Variants in GRID2 observed in about 807,000 individuals in gnomAD.
GRID2 encodes the protein glutamate receptor ionotropic, delta-2.
In GRID2, 33 loss-of-function variants were observed where a neutral mutation model predicts 114.8. The observed-to-expected ratio is 0.29, with a 90% CI of 0.22 to 0.38. The LOEUF (loss-of-function observed/expected upper bound fraction) is 0.38. Ranked by LOEUF, GRID2 falls within the 10% of genes least tolerant of loss-of-function variation. The pLI, the probability that GRID2 is intolerant of heterozygous loss-of-function variation, is 1.00. For missense variants in GRID2, 1,184 were observed against 1,257.7 expected, an observed-to-expected ratio of 0.94 and a Z score of 0.89; for synonymous variants, 505 against 449.9, an observed-to-expected ratio of 1.12 and a Z score of -1.55.
At chr4:92,946,563 G>T (rs568774151) in intron 2 of GRID2, among the ~76,000 whole-genome samples, 2 of 151,896 alleles carry the variant, frequency 1.3e-5, no homozygotes, top group Non-Finnish European at 2.9e-5. Flanking sequence ...AAAATTCCAA[G>T]GCTTTGTTTG....
At chr4:93,040,522 G>A (rs956109547) in intron 2 of GRID2, among the ~76,000 whole-genome samples, 1 of 152,066 alleles carries the variant, frequency 6.6e-6, no homozygotes, top group Non-Finnish European at 1.5e-5. Context: ...ATAATGTAAA[G>A]GGTATGTGGT....
chr4:92,782,532 A>T (rs999644011), intron 2 of GRID2, among the ~76,000 whole-genome samples: 1 of 152,108 alleles, frequency 6.6e-6, no homozygotes. Flanking sequence ...TATTCATGCT[A>T]TGTATGTTAG....
At chr4:92,801,657 A>G (rs945401640) in intron 2 of GRID2, among the ~76,000 whole-genome samples, 10 of 151,904 alleles carry the variant, frequency 6.6e-5, no homozygotes, top group African/African-American at 2.4e-4. Context: ...ATATTTTTGT[A>G]ATATAAGCAT....
At chr4:93,564,442 A>G (rs1003874543) in intron 13 of GRID2, among the ~76,000 whole-genome samples, 5 of 152,036 alleles carry the variant, frequency 3.3e-5, no homozygotes, top group Non-Finnish European at 7.4e-5. Context: ...GGTCGCACTG[A>G]GTGCACTTTC....
chr4:93,768,831 C>A (rs1222667428), intron 14 of GRID2, among the ~76,000 whole-genome samples: 2 of 152,092 alleles, frequency 1.3e-5, no homozygotes, highest in Non-Finnish European at 2.9e-5. Flanking sequence ...GGACACAGAA[C>A]TACAACAACT....
intron 1 of GRID2, among the ~76,000 whole-genome samples, chr4:92,576,207 C>A (rs1280962836): frequency 6.6e-6 from 1 of 152,214 alleles, no homozygotes; most frequent in Non-Finnish European, 1.5e-5. Flanking sequence ...AGGAATGGAC[C>A]AGGGTCCTGC....
At chr4:92,378,971 A>G (rs1246137066) in intron 1 of GRID2, among the ~76,000 whole-genome samples, 1 of 151,896 alleles carries the variant, frequency 6.6e-6, no homozygotes, top group Non-Finnish European at 1.5e-5. Flanking sequence ...TTATTTACAC[A>G]TAATTTAATA....
At chr4:93,113,227 AC>A in intron 4 of GRID2, among the ~76,000 whole-genome samples, 1 of 152,204 alleles carries the variant, frequency 6.6e-6, no homozygotes, top group South Asian at 2.1e-4. Flanking sequence ...CTTTTCTAAC[AC>A]CTTTTTAAAA....
At chr4:93,506,210 T>G (rs1728611914) in intron 12 of GRID2, among the ~76,000 whole-genome samples, 1 of 152,176 alleles carries the variant, frequency 6.6e-6, no homozygotes. Context: ...ACCATCTGAC[T>G]GTACCACATG....
chr4:92,497,105 GA>G (rs1372407865), intron 1 of GRID2, among the ~76,000 whole-genome samples: 1 of 151,610 alleles, frequency 6.6e-6, no homozygotes, highest in Non-Finnish European at 1.5e-5. Context: ...CAATAGTTTG[GA>G]GAGTGGGAAA....
At chr4:93,800,820 T>C (rs898048094) in intron 1 of GRID2, among the ~76,000 whole-genome samples, 37 of 148,336 alleles carry the variant, frequency 2.5e-4, no homozygotes, top group Non-Finnish European at 4.4e-4. Flanking sequence ...TTCTTTCTTT[T>C]AAATTGTAGA....
intron 8 of GRID2, among the ~76,000 whole-genome samples, chr4:93,273,184 A>G (rs2149572615): frequency 6.6e-6 from 1 of 152,294 alleles, no homozygotes; most frequent in South Asian, 2.1e-4. Context: ...ATCTTTCTCT[A>G]TTTTATTTCT....
chr4:93,085,106 T>A lies in GRID2; in HGVS notation c.356T>A (p.Ile119Asn). The stretch of plus-strand genomic sequence containing the variant: ...GCCATGCATATCCCCCACCTCTTCA[T>A]TCAGCGCTCAACAGCTGGGACCCCA... ...ADAMHIPHLFIQRSTAGTPRS... is the reference protein window; with the variant it reads ...ADAMHIPHLFNQRSTAGTPRS... The change falls in exon 3 of 16, where the codon ATT (isoleucine) becomes AAT (asparagine). Residue 119 changes from isoleucine to asparagine, a missense_variant. Transcript: ENST00000282020. 1 of 1,614,148 alleles carries A rather than the reference T, an allele frequency of 6.2e-7. No individual in the cohort carries two copies.
intron 13 of GRID2, among the ~76,000 whole-genome samples, chr4:93,576,443 G>T (rs1287381648): frequency 3.3e-5 from 5 of 152,036 alleles, no homozygotes; most frequent in Non-Finnish European, 7.4e-5. Flanking sequence ...ACTTTTTGGG[G>T]GTCAGGACAA....
At chr4:93,331,928 A>G (rs575616270) in intron 8 of GRID2, among the ~76,000 whole-genome samples, 1 of 152,174 alleles carries the variant, frequency 6.6e-6, no homozygotes, top group East Asian at 1.9e-4. Flanking sequence ...ATTAGTTTCT[A>G]TAAAATTGTC....
chr4:93,647,132 T>C (rs1431944152), intron 14 of GRID2, among the ~76,000 whole-genome samples: 1 of 152,136 alleles, frequency 6.6e-6, no homozygotes, highest in Non-Finnish European at 1.5e-5. Context: ...TAGAGATTAG[T>C]AGTTATTAAG....
intron 2 of GRID2, among the ~76,000 whole-genome samples, chr4:92,816,888 A>T (rs953548341): frequency 1.1e-4 from 16 of 152,276 alleles, no homozygotes; most frequent in Non-Finnish European, 1.6e-4. Flanking sequence ...AAAAACAGGG[A>T]TATAGTGTGC....
Position 93,262,169 on chromosome 4 carries a change from A to G in GRID2, c.1245+23679A>G, listed in dbSNP as rs56796770. ...TCAGTTACTATATTTGAGCTTAAGA[A>G]TTTGGTTTCAGGCTTTCAGAAACCC... On this transcript the variant is annotated intron_variant, in intron 8 of 15. Transcript: ENST00000282020. Among the ~76,000 whole-genome samples, 393 of 151,990 alleles carry G rather than the reference A, an allele frequency of 2.6e-3. 1 individual carries two copies. Among genetic ancestry groups the G allele is most frequent in the African/African-American group, 9.1e-3 (379 of 41,548 alleles).
intron 4 of GRID2, among the ~76,000 whole-genome samples, chr4:93,177,108 T>C (rs1251455316): frequency 6.6e-6 from 1 of 152,186 alleles, no homozygotes; most frequent in East Asian, 1.9e-4. Context: ...TAGTGTGTAG[T>C]GTGCAAGATG....
Sources: gnomAD v4.1 joint callset for allele counts (sites outside exome capture counted in the v4.1 genomes callset) on GRCh38, gnomAD v4.1.1 for gene constraint, MANE v1.5 for transcripts, NCBI Gene and HGNC (gene_info 2026-07-23, HGNC 2026-07-21) for gene names.